The following PCLAF variants were observed in gnomAD, a reference collection of about 807,000 sequenced individuals.
PCLAF encodes PCNA clamp associated factor.
Under a neutral mutation model 15.1 loss-of-function variants are expected in PCLAF, and 12 were observed. The ratio of observed to expected loss-of-function variants is 0.79; its 90% CI spans 0.51 to 1.29. PCLAF has a LOEUF of 1.29. Ranked by LOEUF, PCLAF falls within the 50% of genes most tolerant of loss-of-function variation. The pLI is 0.00. For missense variants in PCLAF, 116 were observed against 130.9 expected (o/e 0.89, Z 0.56); for synonymous variants, 33 against 47.1 (o/e 0.70, Z 1.22).
chr15:64,383,850 G>A (rs1344351227), upstream of PCLAF, among the ~76,000 whole-genome samples: 1 of 151,994 alleles, frequency 6.6e-6, no homozygotes, highest in African/African-American at 2.4e-5. Context: ...TCCACCCGGG[G>A]CAGTCTACAT....
intron 3 of PCLAF, among the ~76,000 whole-genome samples, chr15:64,368,546 T>C (rs2140518473): frequency 6.6e-6 from 1 of 152,226 alleles, no homozygotes; most frequent in South Asian, 2.1e-4. Context: ...CTGCTGGGAG[T>C]TTACCCTGCC....
intron 2 of PCLAF, among the ~76,000 whole-genome samples, chr15:64,378,103 T>C (rs1232339145): frequency 6.6e-6 from 1 of 152,150 alleles, no homozygotes; most frequent in East Asian, 1.9e-4. Flanking sequence ...GCTAATTTTT[T>C]GTACTTTTAG....
chr15:64,387,447 A>G (rs1378962482), exon 1 of PCLAF: 33 of 1,230,286 alleles, frequency 2.7e-5, no homozygotes, highest in Non-Finnish European at 3.3e-5. Flanking sequence ...AAAAACTTAC[A>G]GCGCTTACAA....
At chr15:64,374,416 G>A (rs908552336) in intron 3 of PCLAF, among the ~76,000 whole-genome samples, 1 of 152,026 alleles carries the variant, frequency 6.6e-6, no homozygotes, top group Non-Finnish European at 1.5e-5. Context: ...GCGGGCGCCT[G>A]TAGTCCCAGC....
intron 3 of PCLAF, among the ~76,000 whole-genome samples, chr15:64,366,840 G>A (rs1899054128): frequency 6.6e-6 from 1 of 152,030 alleles, no homozygotes; most frequent in Admixed American, 6.6e-5. Context: ...GGCAGTGGGG[G>A]TGTGTGCCTG....
At chr15:64,367,443 C>T (rs889539457) in intron 3 of PCLAF, among the ~76,000 whole-genome samples, 1 of 151,522 alleles carries the variant, frequency 6.6e-6, no homozygotes, top group Non-Finnish European at 1.5e-5. Flanking sequence ...GCAGAGGTTG[C>T]CGTGAGCCAA....
chr15:64,377,227 G>T (rs1036893049), intron 2 of PCLAF, among the ~76,000 whole-genome samples: 2 of 151,184 alleles, frequency 1.3e-5, no homozygotes, highest in African/African-American at 2.4e-5. Context: ...CAGCACTTTG[G>T]GAGGCTGAGG....
Position 64,387,433 on chromosome 15 carries a change from G to A in PCLAF, n.241+14C>T, listed in dbSNP as rs757477192. On this transcript the variant is annotated intron_variant and non_coding_transcript_variant, in intron 1 of 1. Transcript: ENST00000558250. The stretch of plus-strand genomic sequence containing the variant: ...AATTAAAAAATTAAAACCACCACCA[G>A]AGCAAAAACTTACAGCGCTTACAAT... The A allele has an allele frequency of 4.2e-6, 5 of 1,203,220 alleles. No individual in the cohort carries two copies. The South Asian group carries it at 6.1e-5, about 15-fold the overall frequency. The allele number at this position is 1,203,220 out of a possible 1,614,324, so 74.5% of individuals were successfully genotyped here. A position where few individuals can be genotyped will look rare whatever the true frequency, so the allele number is the denominator to read the frequency against.
At chr15:64,381,551 TG>T (rs2140534588), upstream of PCLAF, 1 of 1,472,954 alleles carries the variant, frequency 6.8e-7, no homozygotes, top group Non-Finnish European at 9.0e-7. Context: ...CTGAACCAAT[TG>T]CCAATGCCCA....
chr15:64,373,822 T>C (rs775207699), intron 3 of PCLAF: 20 of 1,500,976 alleles, frequency 1.3e-5, no homozygotes, highest in Non-Finnish European at 1.7e-5. Context: ...ATAATGGCAG[T>C]GACATCACTC....
intron 3 of PCLAF, among the ~76,000 whole-genome samples, chr15:64,374,333 T>C (rs187101860): frequency 1.3e-5 from 2 of 150,626 alleles, no homozygotes; most frequent in East Asian, 2.0e-4. Context: ...TGAGGTCAGA[T>C]TGAGACAATC....
chr15:64,375,171 C>T (rs1179202657), intron 3 of PCLAF, among the ~76,000 whole-genome samples: 5 of 152,128 alleles, frequency 3.3e-5, no homozygotes, highest in Non-Finnish European at 2.9e-5. Flanking sequence ...GTCCCCCAGG[C>T]TGGAGTGCAG....
intron 2 of PCLAF, among the ~76,000 whole-genome samples, chr15:64,379,779 T>C (rs893909752): frequency 4.6e-5 from 7 of 152,286 alleles, no homozygotes; most frequent in Non-Finnish European, 7.3e-5. Context: ...TTTTCTCATC[T>C]ACTCCACGCA....
At chr15:64,381,129 G>A in intron 1 of PCLAF, 91 bp from the exon 2 acceptor site, 1 of 1,335,566 alleles carries the variant, frequency 7.5e-7, no homozygotes, top group Non-Finnish European at 1.1e-6. Context: ...AGGAGAGCCT[G>A]GCGATCCAGA....
chr15:64,373,827 T>A, intron 3 of PCLAF: 2 of 1,477,350 alleles, frequency 1.4e-6, no homozygotes, highest in Non-Finnish European at 1.8e-6. Context: ...GGCAGTGACA[T>A]CACTCCCTTT....
At position 64,376,830 on chromosome 15, in the gene PCLAF, A is replaced by T; in HGVS notation, c.203T>A (p.Phe68Tyr). The change falls in exon 3 of 4, where the codon TTC (phenylalanine) becomes TAC (tyrosine). Residue 68 changes from phenylalanine (F) to tyrosine (Y), a missense_variant. Phe to Tyr is a conservative substitution (Grantham distance 22, BLOSUM62 3). Transcript: ENST00000300035. ...AGAATCTTTAGGGGACAACCTAAAG[A>T]ATTCTCCAATTCCTTTTTGCCACTT... ...TPKWQKGIGE[F>Y]FRLSPKDSEK... is the part of the protein sequence containing the mutation. 6.2e-7 allele frequency: 1 copy of T among 1,614,008 alleles called. No individual in the cohort carries two copies. Among genetic ancestry groups the T allele is most frequent in the Non-Finnish European group, 8.5e-7 (1 of 1,179,878 alleles).
At chr15:64,381,256 C>A in intron 1 of PCLAF, 70 bp downstream of exon 1, 2 of 1,560,972 alleles carry the variant, frequency 1.3e-6, no homozygotes, top group African/African-American at 1.4e-5. Flanking sequence ...GGACCTCTGG[C>A]GTCTGTCGCC....
chr15:64,370,300 T>C (rs886077270), intron 3 of PCLAF, among the ~76,000 whole-genome samples: 6 of 151,014 alleles, frequency 4.0e-5, no homozygotes, highest in African/African-American at 1.5e-4. Flanking sequence ...CTCAAACTCC[T>C]GGGCTCAAGC....
At chr15:64,381,591 C>T (rs1037240531), upstream of PCLAF, 6 of 1,349,984 alleles carry the variant, frequency 4.4e-6, no homozygotes, top group African/African-American at 7.4e-5. Flanking sequence ...CTTCTTGCAG[C>T]GCGAATCCGT....
Sources: gnomAD v4.1 joint callset for allele counts (sites outside exome capture counted in the v4.1 genomes callset) on GRCh38, gnomAD v4.1.1 for gene constraint, MANE v1.5 for transcripts, NCBI Gene and HGNC (gene_info 2026-07-23, HGNC 2026-07-21) for gene names.